The following SLC9C1 variants were observed in gnomAD, a reference collection of about 807,000 sequenced individuals.
SLC9C1 encodes solute carrier family 9 member C1.
SLC9C1 carries 97 observed loss-of-function variants against 140.9 expected under a neutral mutation model. The observed-to-expected ratio is 0.69, with a 90% CI of 0.58 to 0.82. The LOEUF (loss-of-function observed/expected upper bound fraction) is 0.82. Ranked by LOEUF, SLC9C1 falls within the 40% of genes least tolerant of loss-of-function variation. SLC9C1 has a pLI of 0.00. For missense variants in SLC9C1, 1,340 were observed against 1,389.3 expected, an observed-to-expected ratio of 0.96 and a Z score of 0.56; for synonymous variants, 440 against 442.6, an observed-to-expected ratio of 0.99 and a Z score of 0.07.
Position 112,221,241 on chromosome 3 carries a change from T to C in SLC9C1, c.1573-16A>G, listed in dbSNP as rs2078533427. On this transcript the variant is annotated splice_polypyrimidine_tract_variant and intron_variant, in intron 13 of 28. Coordinates refer to ENST00000305815, the MANE Select transcript of SLC9C1 (RefSeq NM_183061.3). ...GGTAGCTTGCCTAAAAAAATATTAA[T>C]TCAAGTCATTATATAGCATGAATAA... 1.2e-6 allele frequency: 2 copies of C among 1,602,840 alleles called. No individual in the cohort carries two copies. The highest frequency in any genetic ancestry group is 2.2e-5 in the East Asian group (1 of 44,762).
At chr3:112,274,655 G>GAATGT (rs1234505134) in intron 6 of SLC9C1, among the ~76,000 whole-genome samples, 1 of 152,124 alleles carries the variant, frequency 6.6e-6, no homozygotes, top group East Asian at 1.9e-4. Context: ...GTTCAGCCCA[G>GAATGT]GCCTGTGAAA....
At chr3:112,183,931 A>G in intron 20 of SLC9C1, among the ~76,000 whole-genome samples, 1 of 2,822 alleles carries the variant, frequency 3.5e-4, no homozygotes, top group East Asian at 4.0e-3. Context: ...TCCAGGTAAC[A>G]TGGGGGCAGA....
intron 26 of SLC9C1, among the ~76,000 whole-genome samples, chr3:112,155,861 G>A (rs144063821): frequency 0.013 from 1,938 of 151,976 alleles, 29 homozygotes; most frequent in Non-Finnish European, 0.019. Flanking sequence ...TAATTTTTTT[G>A]ACAATTTAAA....
chr3:112,162,033 T>G (rs2075315372), intron 26 of SLC9C1, among the ~76,000 whole-genome samples: 1 of 152,216 alleles, frequency 6.6e-6, no homozygotes. Flanking sequence ...TTTGAAGCAC[T>G]TGTGAATGGC....
At chr3:112,274,470 C>T (rs960582581) in intron 6 of SLC9C1, among the ~76,000 whole-genome samples, 31 of 152,268 alleles carry the variant, frequency 2.0e-4, no homozygotes, top group South Asian at 4.1e-4. Flanking sequence ...ATAACTCATA[C>T]TTCCTCCCTT....
chr3:112,275,332 C>G (rs1374098639), intron 5 of SLC9C1, among the ~76,000 whole-genome samples: 2 of 151,988 alleles, frequency 1.3e-5, no homozygotes. Context: ...ATATTTAAGG[C>G]AAGACAGAAA....
chr3:112,262,541 A>G (rs2079803276), intron 10 of SLC9C1, among the ~76,000 whole-genome samples: 1 of 151,936 alleles, frequency 6.6e-6, no homozygotes, highest in Admixed American at 6.6e-5. Flanking sequence ...AGAGTGTTTT[A>G]CCTGACAATT....
intron 10 of SLC9C1, among the ~76,000 whole-genome samples, chr3:112,245,710 T>G (rs375344217): frequency 6.6e-6 from 1 of 152,172 alleles, no homozygotes; most frequent in South Asian, 2.1e-4. Flanking sequence ...TTTTCTGTAT[T>G]TCTATATGGA....
At chr3:112,208,416 T>C (rs1489102605) in intron 15 of SLC9C1, 43 bp from the exon 16 acceptor site, 2 of 1,320,216 alleles carry the variant, frequency 1.5e-6, no homozygotes, top group Non-Finnish European at 1.0e-6. Flanking sequence ...AAGGTTTACA[T>C]TAAATGATTT....
chr3:112,217,696 G>C (rs527864843), intron 14 of SLC9C1, 135 bp from the exon 15 acceptor site: 5 of 686,096 alleles, frequency 7.3e-6, no homozygotes, highest in Non-Finnish European at 1.1e-5. Context: ...ATGATGGTTG[G>C]ATTAAGACAT....
chr3:112,247,632 G>A (rs759692483), intron 10 of SLC9C1, among the ~76,000 whole-genome samples: 1 of 152,182 alleles, frequency 6.6e-6, no homozygotes, highest in Non-Finnish European at 1.5e-5. Context: ...ACCAGGCTAA[G>A]TGGATATTTA....
At chr3:112,221,093 TTAGAA>T (rs1426730077) in intron 14 of SLC9C1, 30 bp downstream of exon 14, 1 of 1,567,340 alleles carries the variant, frequency 6.4e-7, no homozygotes, top group South Asian at 1.1e-5. Context: ...ATGCTGTGGC[TTAGAA>T]TAGAAGCCAT....
chr3:112,164,416 G>A (rs2075402178), intron 26 of SLC9C1, among the ~76,000 whole-genome samples: 1 of 137,410 alleles, frequency 7.3e-6, no homozygotes, highest in African/African-American at 2.9e-5. Context: ...GGTACCGGTT[G>A]TTCCTTTCCA....
intron 14 of SLC9C1, among the ~76,000 whole-genome samples, chr3:112,220,010 C>T (rs537073636): frequency 6.9e-4 from 105 of 152,300 alleles, no homozygotes; most frequent in South Asian, 5.8e-3. Flanking sequence ...GAATTGATCA[C>T]ATTTGCCCAG....
At chr3:112,279,285 G>C (rs535444325) in intron 3 of SLC9C1, among the ~76,000 whole-genome samples, 5 of 152,260 alleles carry the variant, frequency 3.3e-5, no homozygotes, top group South Asian at 2.1e-4. Flanking sequence ...TACAGGCATT[G>C]GTTGTTTTTC....
At position 112,157,860 on chromosome 3, in the gene SLC9C1, A is replaced by G. The variant is rs1366884328; in HGVS notation, c.3365-2811T>C. Among the ~76,000 whole-genome samples the G allele has an allele frequency of 2.6e-5, 4 of 151,322 alleles. No individual in the cohort carries two copies. The East Asian group carries it at 5.8e-4, about 22-fold the overall frequency. On this transcript the variant is annotated intron_variant, in intron 26 of 28. Transcript: ENST00000305815. ...TATATAAATGCTACTGACTTTTTGT[A>G]TGTTGATTTTGTATCCTGCAACTTT...
intron 10 of SLC9C1, among the ~76,000 whole-genome samples, chr3:112,246,905 G>A (rs2079301566): frequency 6.6e-6 from 1 of 152,160 alleles, no homozygotes; most frequent in South Asian, 2.1e-4. Flanking sequence ...ACAGAGACTA[G>A]AGGCAGCACC....
chr3:112,163,741 A>G (rs1353807303), intron 26 of SLC9C1, among the ~76,000 whole-genome samples: 1 of 152,042 alleles, frequency 6.6e-6, no homozygotes. Context: ...AAAAAAATGT[A>G]TATTCTGTTG....
chr3:112,208,382 C>CA lies in SLC9C1; in HGVS notation c.1791-10dup, dbSNP rs758212394. On this transcript the variant is annotated splice_polypyrimidine_tract_variant and intron_variant, in intron 15 of 28. Coordinates refer to ENST00000305815, the MANE Select transcript of SLC9C1 (RefSeq NM_183061.3). Reference sequence around the variant, plus strand: ...TACGAAAAAAGAAGTATCTGTAAAACAAAAAGACAGTTTTATCTGATAAAA... The same window carrying CA: ...TACGAAAAAAGAAGTATCTGTAAAACAAAAAAGACAGTTTTATCTGATAAAA... 13 of 1,505,652 alleles carry CA rather than the reference C, an allele frequency of 8.6e-6. No homozygotes were observed. In the East Asian group the frequency reaches 3.0e-4, roughly 35 times the overall value. 93.3% of individuals were successfully genotyped at this position (1,505,652 alleles called of 1,614,324 possible).
Sources: allele counts gnomAD v4.1 joint callset (sites outside exome capture counted in the v4.1 genomes callset), GRCh38; gene constraint gnomAD v4.1.1; transcripts MANE v1.5; gene names NCBI Gene and HGNC (gene_info 2026-07-23, HGNC 2026-07-21).